Variants in B4GALT5 observed in about 807,000 individuals in gnomAD.
B4GALT5 encodes the protein beta-1,4-galactosyltransferase 5.
A neutral mutation model predicts 45.0 loss-of-function variants in B4GALT5; 11 were observed. The observed-to-expected ratio is 0.24, with a 90% CI of 0.15 to 0.40. The LOEUF (loss-of-function observed/expected upper bound fraction) is 0.40, where lower values mean the gene tolerates loss of function less well. Among genes scored for constraint, B4GALT5 ranks in the 10% least tolerant of loss-of-function variants. The probability of loss-of-function intolerance (pLI) is 1.00; values close to 1 mark genes in which losing one functional copy is unlikely to be tolerated. For synonymous variants in B4GALT5, 185 were observed against 182.9 expected (o/e 1.01, Z -0.09); for missense variants, 337 against 500.2 (o/e 0.67, Z 3.11).
intron 1 of B4GALT5, among the ~76,000 whole-genome samples, chr20:49,660,122 C>T (rs1386468446): frequency 9.2e-5 from 14 of 152,140 alleles, no homozygotes; most frequent in Admixed American, 9.2e-4. Context: ...ATCATCACAA[C>T]TTCATCATCA....
At chr20:49,673,218 A>T (rs2085723371) in intron 1 of B4GALT5, among the ~76,000 whole-genome samples, 1 of 152,104 alleles carries the variant, frequency 6.6e-6, no homozygotes, top group Non-Finnish European at 1.5e-5. Flanking sequence ...CATCTCTACT[A>T]AAAATACAAA....
intron 4 of B4GALT5, among the ~76,000 whole-genome samples, chr20:49,643,055 T>C (rs953273081): frequency 1.3e-5 from 2 of 152,240 alleles, no homozygotes; most frequent in Non-Finnish European, 2.9e-5. Context: ...TAATAGATAC[T>C]TGTTGAAAGA....
intron 1 of B4GALT5, among the ~76,000 whole-genome samples, chr20:49,674,229 CAA>C (rs1377796417): frequency 3.3e-4 from 21 of 64,150 alleles, no homozygotes; most frequent in Admixed American, 8.9e-4. Flanking sequence ...GACTCCATCT[CAA>C]AAAAAAAAAA....
At chr20:49,698,152 T>C (rs897053929) in intron 1 of B4GALT5, among the ~76,000 whole-genome samples, 7 of 151,868 alleles carry the variant, frequency 4.6e-5, no homozygotes, top group Non-Finnish European at 8.8e-5. Flanking sequence ...CGAAACCCCA[T>C]CTCTAGTAAA....
intron 1 of B4GALT5, among the ~76,000 whole-genome samples, chr20:49,665,707 G>A (rs945166361): frequency 2.7e-5 from 4 of 149,030 alleles, no homozygotes; most frequent in Non-Finnish European, 4.4e-5. Flanking sequence ...GAATAGTCAC[G>A]TTTGTTCAGG....
intron 2 of B4GALT5, among the ~76,000 whole-genome samples, chr20:49,655,730 A>C (rs1340857001): frequency 6.6e-6 from 1 of 151,844 alleles, no homozygotes; most frequent in East Asian, 1.9e-4. Flanking sequence ...GGAGTTCAAG[A>C]CCAACATGGC....
chr20:49,710,038 G>A (rs901154755), intron 1 of B4GALT5, among the ~76,000 whole-genome samples: 1 of 152,166 alleles, frequency 6.6e-6, no homozygotes, highest in Non-Finnish European at 1.5e-5. Context: ...TAAGTTAATG[G>A]TTAGGCTGAA....
intron 2 of B4GALT5, among the ~76,000 whole-genome samples, chr20:49,647,966 G>A (rs1028011310): frequency 5.9e-5 from 9 of 151,954 alleles, no homozygotes; most frequent in South Asian, 2.1e-4. Flanking sequence ...CCAGTTTTCC[G>A]TCTTGCCATT....
chr20:49,656,183 C>A (rs928032958), intron 2 of B4GALT5, among the ~76,000 whole-genome samples: 5 of 152,124 alleles, frequency 3.3e-5, no homozygotes, highest in African/African-American at 1.2e-4. Flanking sequence ...CTCTCACCTG[C>A]CACATTGCTT....
At chr20:49,659,406 T>G (rs1209750270) in intron 1 of B4GALT5, among the ~76,000 whole-genome samples, 1 of 152,202 alleles carries the variant, frequency 6.6e-6, no homozygotes, top group East Asian at 1.9e-4. Context: ...TCCCCCCTTC[T>G]CCAGTTTCTG....
chr20:49,679,559 C>T (rs1444597321), intron 1 of B4GALT5, among the ~76,000 whole-genome samples: 1 of 151,718 alleles, frequency 6.6e-6, no homozygotes, highest in Non-Finnish European at 1.5e-5. Context: ...ACCTGTAGTC[C>T]CAGCTACTCA....
At chr20:49,657,749 C>T (rs977515230) in intron 1 of B4GALT5, among the ~76,000 whole-genome samples, 2 of 152,142 alleles carry the variant, frequency 1.3e-5, no homozygotes, top group African/African-American at 2.4e-5. Context: ...ATGTGGATTC[C>T]GGCTCTTTGA....
In B4GALT5 at chr20:49,633,440, T is replaced by TTTTTTTG. The variant is rs1984428465; in HGVS notation, c.*2871_*2872insCAAAAAA. On this transcript the variant is annotated 3_prime_UTR_variant, in exon 9 of 9. Coordinates refer to ENST00000371711, the MANE Select transcript of B4GALT5 (RefSeq NM_004776.4). ...TGCACAAGGTCACATTTGGTTCCTG[T>TTTTTTTG]TTTTTTTTTTAACATGACAATTTCA... 1.5e-5 allele frequency: 1 copy of TTTTTTTG among 66,318 alleles called. No individual in the cohort carries two copies. The highest frequency in any genetic ancestry group is 9.5e-5 in the African/African-American group (1 of 10,544). 4.1% of individuals were successfully genotyped at this position (66,318 alleles called of 1,614,324 possible). A position where few individuals can be genotyped will look rare whatever the true frequency, so the allele number is the denominator to read the frequency against.
chr20:49,674,433 G>A (rs1040637788), intron 1 of B4GALT5, among the ~76,000 whole-genome samples: 8 of 152,052 alleles, frequency 5.3e-5, no homozygotes, highest in African/African-American at 1.7e-4. Context: ...GTATTCTTTA[G>A]TCTTTGGAAT....
chr20:49,672,245 G>A (rs554207553), intron 1 of B4GALT5, among the ~76,000 whole-genome samples: 2 of 152,222 alleles, frequency 1.3e-5, no homozygotes, highest in African/African-American at 2.4e-5. Flanking sequence ...TTATCTACTC[G>A]TTGGGAATTT....
Position 49,646,856 on chromosome 20 carries a change from A to C in B4GALT5, c.364+109T>G, listed in dbSNP as rs138782719. 168 of 649,880 alleles carry C rather than the reference A, an allele frequency of 2.6e-4. No individual in the cohort carries two copies. The African/African-American group carries it at 3.0e-3, about 11-fold the overall frequency. 40.3% of individuals were successfully genotyped at this position (649,880 alleles called of 1,614,324 possible). On this transcript the variant is annotated intron_variant, in intron 3 of 8. Coordinates refer to ENST00000371711, the MANE Select transcript of B4GALT5 (RefSeq NM_004776.4). ...ACAACTTTCACAAACCCTGTTTCCA[A>C]TGGCAGGGAGGTATTTATATTCTCT...
intron 8 of B4GALT5, 77 bp downstream of exon 8, chr20:49,637,264 G>C: frequency 7.8e-7 from 1 of 1,288,684 alleles, no homozygotes; most frequent in Non-Finnish European, 1.1e-6. Flanking sequence ...AGGAGAAGGG[G>C]CTGTAATATG....
intron 1 of B4GALT5, among the ~76,000 whole-genome samples, chr20:49,712,185 T>C (rs1299612870): frequency 6.6e-6 from 1 of 152,190 alleles, no homozygotes; most frequent in East Asian, 1.9e-4. Context: ...TACTTATTTT[T>C]AAAACTCTTC....
At chr20:49,640,127 C>CA (rs1158761700) in intron 6 of B4GALT5, among the ~76,000 whole-genome samples, 1 of 152,162 alleles carries the variant, frequency 6.6e-6, no homozygotes, top group African/African-American at 2.4e-5. Context: ...CATTAGCAAT[C>CA]ACCCCCTGCT....
Sources: allele counts gnomAD v4.1 joint callset (sites outside exome capture counted in the v4.1 genomes callset), GRCh38; gene constraint gnomAD v4.1.1; transcripts MANE v1.5; gene names NCBI Gene and HGNC (gene_info 2026-07-23, HGNC 2026-07-21).